DPH3: variants seen among roughly 807,000 people sequenced by gnomAD.
DPH3 encodes diphthamide biosynthesis protein 3.
Under a neutral mutation model 10.2 loss-of-function variants are expected in DPH3, and 8 were observed. The observed-to-expected ratio is 0.79, with a 90% CI of 0.46 to 1.42. The LOEUF is 1.42. Ranked by LOEUF, DPH3 falls within the 40% of genes most tolerant of loss-of-function variation. The probability of loss-of-function intolerance (pLI) is 0.00; values close to 1 mark genes in which losing one functional copy is unlikely to be tolerated. For missense variants in DPH3, 96 were observed against 98.9 expected, an observed-to-expected ratio of 0.97 and a Z score of 0.12; for synonymous variants, 35 against 35.6, an observed-to-expected ratio of 0.98 and a Z score of 0.06.
rs1361178497 is a variant in DPH3, at chr3:16,261,789, G to A, written c.184-960C>T. Among the ~76,000 whole-genome samples, 1 of 152,172 alleles carries A rather than the reference G, an allele frequency of 6.6e-6. No individual in the cohort carries two copies. Among genetic ancestry groups the A allele is most frequent in the Non-Finnish European group, 1.5e-5 (1 of 68,030 alleles). ...CAGAGTCCTAGTACCAGAGGGATTG[G>A]AAGTGGGGCTAGTTCCTCCTTTTTG... On this transcript the variant is annotated intron_variant, in intron 2 of 2. Coordinates refer to ENST00000488423, the MANE Select transcript of DPH3 (RefSeq NM_206831.3). This position sits in a 1 kb window ranked among gnomAD's most constrained non-coding sequence, Gnocchi z 7.1.
chr3:16,257,366 C>T lies in DPH3; in HGVS notation c.*3398G>A, dbSNP rs940911138. Reference sequence around the variant, plus strand: ...TCTCCCACATCACCTGGTTTGTTTCCTTGGGGGCTCTAACTCATCTGTAAT... The same window carrying T: ...TCTCCCACATCACCTGGTTTGTTTCTTTGGGGGCTCTAACTCATCTGTAAT... On this transcript the variant is annotated 3_prime_UTR_variant, in exon 3 of 3. Transcript: ENST00000488423. Among the ~76,000 whole-genome samples the T allele has an allele frequency of 6.6e-6, 1 of 152,202 alleles. No homozygotes were observed. Among genetic ancestry groups the T allele is most frequent in the Non-Finnish European group, 1.5e-5 (1 of 68,042 alleles).
chr3:16,260,859 A>G, intron 2 of DPH3, 30 bp from the exon 3 acceptor site: 1 of 1,599,228 alleles, frequency 6.3e-7, no homozygotes. Context: ...GACATTAACC[A>G]ATGAATTTCC....
rs1010455459 is a variant in DPH3, at chr3:16,258,036, T to A, written c.*2728A>T. The A allele has an allele frequency of 3.3e-5, 5 of 151,518 alleles. No individual in the cohort carries two copies. The highest frequency in any genetic ancestry group is 1.2e-4 in the African/African-American group (5 of 41,436). The allele number at this position is 151,518 out of a possible 1,614,324, so 9.4% of individuals were successfully genotyped here. A position where few individuals can be genotyped will look rare whatever the true frequency, so the allele number is the denominator to read the frequency against. ...AATGCAATTTATTCTGGCAATAAAT[T>A]AATATGTGCAGTTATAAAAAATGTT... On this transcript the variant is annotated 3_prime_UTR_variant, in exon 3 of 3. Transcript: ENST00000488423.
In DPH3 at chr3:16,262,270, G is replaced by A. The variant is rs2064296980; in HGVS notation, c.184-1441C>T. On this transcript the variant is annotated intron_variant, in intron 2 of 2. Transcript: ENST00000488423. This position sits in a 1 kb window ranked among gnomAD's most constrained non-coding sequence, Gnocchi z 4.7. Reference sequence around the variant, plus strand: ...TCTCATTCTCTCCAACCAGTATTCTGCCCATTGGTTTCTTCACTCATGCGC... The same window carrying A: ...TCTCATTCTCTCCAACCAGTATTCTACCCATTGGTTTCTTCACTCATGCGC... Among the ~76,000 whole-genome samples the A allele has an allele frequency of 6.6e-6, 1 of 152,116 alleles. No homozygotes were observed. Among genetic ancestry groups the A allele is most frequent in the Non-Finnish European group, 1.5e-5 (1 of 68,014 alleles).
chr3:16,264,173 T>C lies in DPH3; in HGVS notation c.165A>G (p.Ile55Met), dbSNP rs201593495. The C allele has an allele frequency of 2.5e-6, 4 of 1,611,058 alleles. No individual in the cohort carries two copies. Among genetic ancestry groups the C allele is most frequent in the Non-Finnish European group, 3.4e-6 (4 of 1,177,996 alleles). The change falls in exon 2 of 3, where the codon ATA becomes ATG. Residue 55 changes from isoleucine to methionine, a missense_variant. Coordinates refer to ENST00000488423, the MANE Select transcript of DPH3 (RefSeq NM_206831.3). ...CCCTTACTTTGTCATAAATCACTTT[T>C]ATAATGAGAGAGCAGCTAGGACACG... ...VATCPSCSLIIKVIYDKDQFV... is the reference protein window; with the variant it reads ...VATCPSCSLIMKVIYDKDQFV...
At position 16,260,024 on chromosome 3, in the gene DPH3, T is replaced by A. The variant is rs971549640; in HGVS notation, c.*740A>T. The A allele has an allele frequency of 1.3e-5, 2 of 152,274 alleles. No individual in the cohort carries two copies. Among genetic ancestry groups the A allele is most frequent in the Non-Finnish European group, 2.9e-5 (2 of 68,040 alleles). The allele number at this position is 152,274 out of a possible 1,614,324, so 9.4% of individuals were successfully genotyped here. On this transcript the variant is annotated 3_prime_UTR_variant, in exon 3 of 3. Coordinates refer to ENST00000488423, the MANE Select transcript of DPH3 (RefSeq NM_206831.3). ...TGTCACCAATTTCACTTCTTTTGGA[T>A]GTTTTTCTTTTCATCTTGTCCTGAC...
chr3:16,263,185 C>T lies in DPH3; in HGVS notation c.183+970G>A, dbSNP rs952620707. On this transcript the variant is annotated intron_variant, in intron 2 of 2. Transcript: ENST00000488423. This position sits in a 1 kb window ranked among gnomAD's most constrained non-coding sequence, Gnocchi z 4.0. ...CTTACGCTACTCTCATCCTGCTCTG[C>T]TCTGGTCACACTGGCCTCCTTTTTG... Among the ~76,000 whole-genome samples, 2 of 152,188 alleles carry T rather than the reference C, an allele frequency of 1.3e-5. No individual in the cohort carries two copies. Among genetic ancestry groups the T allele is most frequent in the African/African-American group, 4.8e-5 (2 of 41,432 alleles).
chr3:16,260,828 T>C lies in DPH3; in HGVS notation c.185A>G (p.Asp62Gly). The C allele has an allele frequency of 1.2e-6, 2 of 1,613,212 alleles. No individual in the cohort carries two copies. The highest frequency in any genetic ancestry group is 1.1e-5 in the South Asian group (1 of 90,928). Residue 62 changes from aspartate (D) to glycine (G), a missense_variant and splice_region_variant, in exon 3 of 3, where the codon GAT (aspartate) becomes GGT (glycine). Transcript: ENST00000488423. ...SLIIKVIYDK[D>G]QFVCGETVPA... ...GACTGTTTCTCCACACACAAACTGA[T>C]CCTAAGACAGAGTGAGAAATGACAT...
intron 1 of DPH3, 144 bp downstream of exon 1, chr3:16,264,625 G>C: frequency 1.3e-6 from 1 of 784,412 alleles, no homozygotes. Flanking sequence ...GTTGGGGTGG[G>C]GGGACGCGGG....
chr3:16,260,013 C>T lies in DPH3; in HGVS notation c.*751G>A, dbSNP rs916103567. On this transcript the variant is annotated 3_prime_UTR_variant, in exon 3 of 3. Coordinates refer to ENST00000488423, the MANE Select transcript of DPH3 (RefSeq NM_206831.3). Reference sequence around the variant, plus strand: ...TCCTCTCATTCTGTCACCAATTTCACTTCTTTTGGATGTTTTTCTTTTCAT... The same window carrying T: ...TCCTCTCATTCTGTCACCAATTTCATTTCTTTTGGATGTTTTTCTTTTCAT... 1 of 152,236 alleles carries T rather than the reference C, an allele frequency of 6.6e-6. No homozygotes were observed. Among genetic ancestry groups the T allele is most frequent in the Non-Finnish European group, 1.5e-5 (1 of 68,040 alleles). 9.4% of individuals were successfully genotyped at this position (152,236 alleles called of 1,614,324 possible).
chr3:16,264,913 A>C lies in DPH3; in HGVS notation c.-37T>G, dbSNP rs201620103. 4.8e-5 allele frequency: 77 copies of C among 1,609,918 alleles called. 1 individual carries two copies. In the South Asian group the frequency reaches 6.9e-4, roughly 14 times the overall value. Reference sequence around the variant, plus strand: ...GTGGCCGAAGGGGTAACGCCCCAGCAGTCCGAGGCCAGCTCCGAGGGTTTA... The same window carrying C: ...GTGGCCGAAGGGGTAACGCCCCAGCCGTCCGAGGCCAGCTCCGAGGGTTTA... On this transcript the variant is annotated 5_prime_UTR_variant, in exon 1 of 3. Coordinates refer to ENST00000488423, the MANE Select transcript of DPH3 (RefSeq NM_206831.3).
chr3:16,264,721 CAA>C (rs1487059586), intron 1 of DPH3, 46 bp downstream of exon 1: 8 of 1,586,046 alleles, frequency 5.0e-6, no homozygotes, highest in Non-Finnish European at 6.9e-6. Flanking sequence ...CGGGCGGAAC[CAA>C]ACTGCGCTTG....
Position 16,264,847 on chromosome 3 carries a change from G to C in DPH3, c.30C>G (p.Ile10Met). The change falls in exon 1 of 3, where the codon ATC becomes ATG. Residue 10 changes from isoleucine (I) to methionine (M), a missense_variant. By Grantham distance (10) the Ile-to-Met change is conservative. Transcript: ENST00000488423. MAVFHDEVE[I>M]EDFQYDEDSE... Reference sequence around the variant, plus strand: ...AGTCCTCGTCATATTGGAAGTCCTCGATTTCCACCTCGTCATGAAACACTG... The same window carrying C: ...AGTCCTCGTCATATTGGAAGTCCTCCATTTCCACCTCGTCATGAAACACTG... 1.9e-6 allele frequency: 3 copies of C among 1,614,240 alleles called. No individual in the cohort carries two copies. The highest frequency in any genetic ancestry group is 2.5e-6 in the Non-Finnish European group (3 of 1,180,042).
In DPH3 at chr3:16,262,570, A is replaced by G. The variant is rs560824301; in HGVS notation, c.183+1585T>C. 1.1e-4 allele frequency among the ~76,000 whole-genome samples: 16 copies of G among 152,208 alleles called. No individual in the cohort carries two copies. The highest frequency in any genetic ancestry group is 3.6e-4 in the African/African-American group (15 of 41,520). On this transcript the variant is annotated intron_variant, in intron 2 of 2. Coordinates refer to ENST00000488423, the MANE Select transcript of DPH3 (RefSeq NM_206831.3). This position sits in a 1 kb window ranked among gnomAD's most constrained non-coding sequence, Gnocchi z 4.7. ...GCCTTAAGGCTCAGTCCTGTATTTT[A>G]TCCATCTCTACATTCACAGACCTGG... is the stretch of plus-strand genomic sequence containing the variant.
At position 16,260,706 on chromosome 3, in the gene DPH3, C is replaced by T. The variant is rs1015976655; in HGVS notation, c.*58G>A. The T allele has an allele frequency of 1.9e-5, 28 of 1,484,192 alleles. No homozygotes were observed. In the South Asian group the frequency reaches 2.6e-4, roughly 14 times the overall value. 91.9% of individuals were successfully genotyped at this position (1,484,192 alleles called of 1,614,324 possible). A position where few individuals can be genotyped will look rare whatever the true frequency, so the allele number is the denominator to read the frequency against. Reference sequence around the variant, plus strand: ...TCTGTGAAGCCAGTAGCTTTGCATTCGATATTTCTATCTGGGCTCATTCCA... The same window carrying T: ...TCTGTGAAGCCAGTAGCTTTGCATTTGATATTTCTATCTGGGCTCATTCCA... On this transcript the variant is annotated 3_prime_UTR_variant, in exon 3 of 3. Transcript: ENST00000488423.
rs1448552153 is a variant in DPH3, at chr3:16,261,345, C to G, written c.184-516G>C. 1.3e-5 allele frequency among the ~76,000 whole-genome samples: 2 copies of G among 152,220 alleles called. No homozygotes were observed. Among genetic ancestry groups the G allele is most frequent in the African/African-American group, 4.8e-5 (2 of 41,450 alleles). The stretch of plus-strand genomic sequence containing the variant: ...GCTTATGTCAGCTACCACCAAAAAT[C>G]TCTGCTTCCAAGGTTATCCCTCACC... On this transcript the variant is annotated intron_variant, in intron 2 of 2. Coordinates refer to ENST00000488423, the MANE Select transcript of DPH3 (RefSeq NM_206831.3). The surrounding 1 kb of genome is among the most constrained non-coding windows in gnomAD (Gnocchi z 7.1).
rs1289301845 is a variant in DPH3 at position 16,264,258 on chromosome 3, A to G, written c.109-29T>C. The stretch of plus-strand genomic sequence containing the variant: ...CAACGAAATCAAATACCATGTGGTC[A>G]GGATAGCTTCTCTTCGCCATCTCCT... On this transcript the variant is annotated intron_variant, in intron 1 of 2. Coordinates refer to ENST00000488423, the MANE Select transcript of DPH3 (RefSeq NM_206831.3). The G allele has an allele frequency of 5.7e-6, 9 of 1,571,716 alleles. No homozygotes were observed. The Admixed American group carries it at 6.9e-5, about 12-fold the overall frequency.
intron 2 of DPH3, 31 bp from the exon 3 acceptor site, chr3:16,260,860 A>T (rs374907371): frequency 6.3e-7 from 1 of 1,595,958 alleles, no homozygotes. Context: ...ACATTAACCA[A>T]TGAATTTCCG....
Position 16,262,800 on chromosome 3 carries a change from C to T in DPH3, c.183+1355G>A, listed in dbSNP as rs2064301238. Among the ~76,000 whole-genome samples the T allele has an allele frequency of 6.6e-6, 1 of 152,178 alleles. No homozygotes were observed. Among genetic ancestry groups the T allele is most frequent in the South Asian group, 2.1e-4 (1 of 4,824 alleles). ...GTTACATTCCCTCAATTGACAGTAA[C>T]TCCATCCTCCCAGTTATTAAGGTCA... On this transcript the variant is annotated intron_variant, in intron 2 of 2. Transcript: ENST00000488423. The surrounding 1 kb of genome is among the most constrained non-coding windows in gnomAD (Gnocchi z 4.7).
Sources: allele counts gnomAD v4.1 joint callset (sites outside exome capture counted in the v4.1 genomes callset), GRCh38; gene constraint gnomAD v4.1.1; non-coding constraint Gnocchi (gnomAD v3.1); transcripts MANE v1.5; gene names NCBI Gene and HGNC (gene_info 2026-07-23, HGNC 2026-07-21).